Variants in PTGIS observed in about 807,000 individuals in gnomAD.
PTGIS encodes the protein prostaglandin I2 synthase, also known as prostacyclin synthase.
In PTGIS, 45 loss-of-function variants were observed where a neutral mutation model predicts 50.3. The ratio of observed to expected loss-of-function variants is 0.90; its 90% CI spans 0.70 to 1.15. The LOEUF (loss-of-function observed/expected upper bound fraction) is 1.15. Ranked by LOEUF, PTGIS falls within the 50% of genes most tolerant of loss-of-function variation. PTGIS has a pLI of 0.00. For missense variants in PTGIS, 668 were observed against 661.3 expected (o/e 1.01, Z -0.11); for synonymous variants, 260 against 267.7 (o/e 0.97, Z 0.28).
Position 49,568,044 on chromosome 20 carries a change from G to A in PTGIS, c.73C>T (p.Arg25Trp). The A allele has an allele frequency of 6.7e-7, 1 of 1,485,530 alleles. No homozygotes were observed. The highest frequency in any genetic ancestry group is 1.3e-5 in the South Asian group (1 of 78,812). 92.0% of individuals were successfully genotyped at this position (1,485,530 alleles called of 1,614,324 possible). The change falls in exon 1 of 10, where the codon CGG (arginine) becomes TGG (tryptophan). Residue 25 changes from arginine to tryptophan, a missense_variant and splice_region_variant. Transcript: ENST00000244043. ...LLLLLSRRRT[R>W]RPGEPPLDLG... ...GGCCGAGCGGAGCAGGACACTCACCGCGTGCGGCGGCGGCTCAGTAGCAGC... is the reference window on the plus strand; with the variant it reads ...GGCCGAGCGGAGCAGGACACTCACCACGTGCGGCGGCGGCTCAGTAGCAGC...
chr20:49,505,815 T>A lies in PTGIS; in HGVS notation c.*2105A>T, dbSNP rs1981138373. The A allele has an allele frequency of 6.6e-6, 1 of 152,508 alleles. No individual in the cohort carries two copies. Among genetic ancestry groups the A allele is most frequent in the Admixed American group, 6.5e-5 (1 of 15,268 alleles). 9.4% of individuals were successfully genotyped at this position (152,508 alleles called of 1,614,324 possible). A position where few individuals can be genotyped will look rare whatever the true frequency, so the allele number is the denominator to read the frequency against. On this transcript the variant is annotated 3_prime_UTR_variant, in exon 10 of 10. Coordinates refer to ENST00000244043, the MANE Select transcript of PTGIS (RefSeq NM_000961.4). ...TGGGTTTCCCTGGGGATATCCTGCC[T>A]CCTGCCAATCACAGCGTCTCTCTGG...
In PTGIS at chr20:49,564,938, C is replaced by A. The variant is rs192625458; in HGVS notation, c.74+3105G>T. Among the ~76,000 whole-genome samples the A allele has an allele frequency of 1.1e-4, 17 of 150,978 alleles. 1 individual carries two copies. The East Asian group carries it at 3.3e-3, about 29-fold the overall frequency. ...CCAAACTGGATCACCATTCAGACGG[C>A]ATCAGGGTCACCCACTTGTTTCACT... On this transcript the variant is annotated intron_variant, in intron 1 of 9. Coordinates refer to ENST00000244043, the MANE Select transcript of PTGIS (RefSeq NM_000961.4).
chr20:49,530,905 G>A (rs181157568), intron 5 of PTGIS, among the ~76,000 whole-genome samples: 201 of 152,080 alleles, frequency 1.3e-3, no homozygotes, highest in African/African-American at 4.6e-3. Flanking sequence ...GACTACAGGC[G>A]TGCACCACCA....
At chr20:49,555,621 A>C (rs1982607866) in intron 1 of PTGIS, among the ~76,000 whole-genome samples, 1 of 152,244 alleles carries the variant, frequency 6.6e-6, no homozygotes, top group Non-Finnish European at 1.5e-5. Context: ...GTGTTCCAAA[A>C]TTGTATGAGA....
intron 5 of PTGIS, among the ~76,000 whole-genome samples, chr20:49,526,770 A>G (rs1396793720): frequency 6.6e-6 from 1 of 152,236 alleles, no homozygotes; most frequent in Non-Finnish European, 1.5e-5. Context: ...TGTAAAAACC[A>G]CAGTGTGATA....
At position 49,504,343 on chromosome 20, in the gene PTGIS, T is replaced by C. The variant is rs1412747403; in HGVS notation, c.*3577A>G. On this transcript the variant is annotated 3_prime_UTR_variant, in exon 10 of 10. Transcript: ENST00000244043. ...CATGGTCACTTTCTATTTTTGGCAG[T>C]GAGTGATACATGTTATCCACTATTG... is the stretch of plus-strand genomic sequence containing the variant. The C allele has an allele frequency of 6.6e-6, 1 of 152,232 alleles. No individual in the cohort carries two copies. The highest frequency in any genetic ancestry group is 2.4e-5 in the African/African-American group (1 of 41,460). The allele number at this position is 152,232 out of a possible 1,614,324, so 9.4% of individuals were successfully genotyped here.
intron 1 of PTGIS, among the ~76,000 whole-genome samples, chr20:49,562,442 G>A (rs6095581): frequency 0.021 from 3,222 of 152,330 alleles, 125 homozygotes; most frequent in African/African-American, 0.074. Flanking sequence ...CCTGATGTTG[G>A]CTCCTCCAGC....
At chr20:49,527,856 G>C (rs909870222) in intron 5 of PTGIS, among the ~76,000 whole-genome samples, 3 of 152,124 alleles carry the variant, frequency 2.0e-5, no homozygotes, top group African/African-American at 7.2e-5. Flanking sequence ...TGCATTCTGG[G>C]CGGGTGCAGT....
At chr20:49,547,730 A>G in intron 3 of PTGIS, 111 bp downstream of exon 3, 1 of 1,284,358 alleles carries the variant, frequency 7.8e-7, no homozygotes, top group Non-Finnish European at 1.1e-6. Flanking sequence ...TTCTCAAGAC[A>G]AAATGTCTTT....
chr20:49,517,994 G>C (rs1180103034), intron 6 of PTGIS, among the ~76,000 whole-genome samples: 1 of 152,166 alleles, frequency 6.6e-6, no homozygotes, highest in African/African-American at 2.4e-5. Flanking sequence ...TATCAGTCTT[G>C]GGAGCTGTGC....
chr20:49,509,886 T>C (rs879812912), intron 9 of PTGIS, among the ~76,000 whole-genome samples: 4,424 of 115,226 alleles, frequency 0.038, 55 homozygotes, highest in African/African-American at 0.12. Context: ...TCTTTCTTTT[T>C]TTTTTTTTTT....
Position 49,547,794 on chromosome 20 carries a change from A to T in PTGIS, c.377+47T>A, listed in dbSNP as rs1982399933. ...AACTTGGGCCACATGAGTAGAAATG[A>T]GTCGCCCACCCTGGCCCTCCCACAG... On this transcript the variant is annotated intron_variant, in intron 3 of 9. Transcript: ENST00000244043. 11 of 1,595,904 alleles carry T rather than the reference A, an allele frequency of 6.9e-6. No individual in the cohort carries two copies. In the East Asian group the frequency reaches 2.5e-4, roughly 36 times the overall value.
At chr20:49,519,427 C>CTGT (rs1296587004) in intron 6 of PTGIS, among the ~76,000 whole-genome samples, 1 of 152,040 alleles carries the variant, frequency 6.6e-6, no homozygotes. Context: ...ATCACAGCTA[C>CTGT]CATTTTTCAG....
intron 1 of PTGIS, among the ~76,000 whole-genome samples, chr20:49,565,409 C>T (rs76822909): frequency 1.4e-4 from 21 of 152,238 alleles, no homozygotes; most frequent in African/African-American, 5.1e-4. Flanking sequence ...TGGTTCACAC[C>T]GGTAATTCCA....
intron 6 of PTGIS, among the ~76,000 whole-genome samples, chr20:49,519,565 C>T (rs2122849216): frequency 6.6e-6 from 1 of 152,144 alleles, no homozygotes; most frequent in African/African-American, 2.4e-5. Flanking sequence ...CCCTCGCCTG[C>T]AGTATCTCCT....
At chr20:49,530,055 G>A (rs1344708791) in intron 5 of PTGIS, among the ~76,000 whole-genome samples, 3 of 151,874 alleles carry the variant, frequency 2.0e-5, no homozygotes, top group Non-Finnish European at 4.4e-5. Flanking sequence ...TCAGGAGGCT[G>A]AGGCAGGAGA....
intron 4 of PTGIS, among the ~76,000 whole-genome samples, chr20:49,541,503 G>A (rs1467984804): frequency 6.6e-6 from 1 of 152,114 alleles, no homozygotes; most frequent in Non-Finnish European, 1.5e-5. Flanking sequence ...ATGCCGAGGT[G>A]GTTATATCAC....
intron 5 of PTGIS, among the ~76,000 whole-genome samples, chr20:49,532,223 A>G (rs920664266): frequency 6.6e-6 from 1 of 152,168 alleles, no homozygotes; most frequent in African/African-American, 2.4e-5. Flanking sequence ...TTTCTTTTTT[A>G]GTGTGTCTAA....
At chr20:49,512,981 C>A (rs1981363133) in intron 8 of PTGIS, 99 bp downstream of exon 8, 1 of 1,458,522 alleles carries the variant, frequency 6.9e-7, no homozygotes, top group Non-Finnish European at 9.5e-7. Flanking sequence ...ACATAGCAAA[C>A]AAAGAGCAGA....
Sources: allele counts gnomAD v4.1 joint callset (sites outside exome capture counted in the v4.1 genomes callset), GRCh38; gene constraint gnomAD v4.1.1; transcripts MANE v1.5; gene names NCBI Gene and HGNC (gene_info 2026-07-23, HGNC 2026-07-21).